Variants in TASP1 observed in about 807,000 individuals in gnomAD.
TASP1 encodes the protein taspase 1.
In TASP1, 16 loss-of-function variants were observed where a neutral mutation model predicts 56.6. The observed-to-expected ratio is 0.28, with a 90% CI of 0.19 to 0.43. TASP1 has a LOEUF of 0.43. Among genes scored for constraint, TASP1 ranks in the 20% least tolerant of loss-of-function variants. TASP1 has a pLI of 1.00. For missense variants in TASP1, 393 were observed against 511.6 expected (o/e 0.77, Z 2.24); for synonymous variants, 179 against 184.2 (o/e 0.97, Z 0.23).
the TASP1 span, among the ~76,000 whole-genome samples, chr20:13,346,993 T>A: frequency 6.6e-6 from 1 of 152,216 alleles, no homozygotes; most frequent in Non-Finnish European, 1.5e-5. Flanking sequence ...CGACAAGCAA[T>A]ATGTAGTCAT....
chr20:13,460,369 AC>A (rs760753790), intron 11 of TASP1, among the ~76,000 whole-genome samples: 40 of 151,826 alleles, frequency 2.6e-4, no homozygotes, highest in Non-Finnish European at 5.6e-4. Context: ...TCTTTACTTT[AC>A]CTTTGGAATG....
the TASP1 span, among the ~76,000 whole-genome samples, chr20:13,185,608 G>A: frequency 7.2e-5 from 11 of 152,004 alleles, no homozygotes; most frequent in Admixed American, 2.6e-4. Context: ...TTGCACACCT[G>A]TACTTGATTC....
chr20:13,231,098 G>T, the TASP1 span, among the ~76,000 whole-genome samples: 11 of 152,214 alleles, frequency 7.2e-5, no homozygotes, highest in East Asian at 9.7e-4. Flanking sequence ...TTGTCTCAGG[G>T]CCTGCTTCTA....
At chr20:13,318,680 A>G in the TASP1 span, among the ~76,000 whole-genome samples, 1 of 152,228 alleles carries the variant, frequency 6.6e-6, no homozygotes, top group African/African-American at 2.4e-5. Flanking sequence ...AGTGCTGGCT[A>G]TCCAGTGCTA....
chr20:13,472,999 G>A (rs891253048), intron 11 of TASP1, among the ~76,000 whole-genome samples: 2 of 151,914 alleles, frequency 1.3e-5, no homozygotes, highest in Non-Finnish European at 2.9e-5. Flanking sequence ...ATAAACCAAA[G>A]GATTATAGAA....
intron 11 of TASP1, among the ~76,000 whole-genome samples, chr20:13,464,777 G>C (rs140533659): frequency 1.3e-3 from 193 of 152,160 alleles, no homozygotes; most frequent in African/African-American, 4.4e-3. Context: ...TTGTTTAATG[G>C]ATACAGAAGT....
At chr20:13,409,367 A>AT (rs1209363926) in intron 13 of TASP1, among the ~76,000 whole-genome samples, 1 of 151,924 alleles carries the variant, frequency 6.6e-6, no homozygotes, top group African/African-American at 2.4e-5. Flanking sequence ...ATGACTACAG[A>AT]TTTGTCTATT....
chr20:13,182,082 G>T, the TASP1 span, among the ~76,000 whole-genome samples: 1 of 152,128 alleles, frequency 6.6e-6, no homozygotes, highest in Non-Finnish European at 1.5e-5. Flanking sequence ...TACCCCATGA[G>T]CCAGATCTCA....
chr20:13,241,325 TGTG>T, the TASP1 span, among the ~76,000 whole-genome samples: 1 of 152,096 alleles, frequency 6.6e-6, no homozygotes, highest in African/African-American at 2.4e-5. Context: ...TATATGAACA[TGTG>T]GTCAAAAAAG....
the TASP1 span, among the ~76,000 whole-genome samples, chr20:13,312,786 G>C: frequency 6.6e-6 from 1 of 152,152 alleles, no homozygotes; most frequent in Non-Finnish European, 1.5e-5. Context: ...TTACAAATGA[G>C]GACCCTGAAG....
At chr20:13,459,001 G>T (rs2043951760) in intron 11 of TASP1, among the ~76,000 whole-genome samples, 1 of 152,116 alleles carries the variant, frequency 6.6e-6, no homozygotes, top group Non-Finnish European at 1.5e-5. Context: ...AAACCAGATT[G>T]GGATTTCATG....
At chr20:13,591,527 A>G (rs2047531740) in intron 4 of TASP1, among the ~76,000 whole-genome samples, 1 of 152,176 alleles carries the variant, frequency 6.6e-6, no homozygotes. Flanking sequence ...TTCTTCAGAC[A>G]CATAAAAATT....
At chr20:13,194,874 C>T in the TASP1 span, among the ~76,000 whole-genome samples, 7 of 152,046 alleles carry the variant, frequency 4.6e-5, no homozygotes, top group Non-Finnish European at 1.0e-4. Context: ...TGGCTTCTAC[C>T]AACTAAGGCT....
chr20:13,209,718 A>G, the TASP1 span, among the ~76,000 whole-genome samples: 42,826 of 152,158 alleles, frequency 0.28, 6,418 homozygotes, highest in African/African-American at 0.35. Flanking sequence ...TGAAAGTTCT[A>G]TAACAGAAAA....
In TASP1 at chr20:13,534,141, C is replaced by A; in HGVS notation, c.676G>T (p.Glu226Ter). 6.2e-7 allele frequency: 1 copy of A among 1,613,238 alleles called. No individual in the cohort carries two copies. The highest frequency in any genetic ancestry group is 8.5e-7 in the Non-Finnish European group (1 of 1,179,538). The part of the protein sequence containing the change: ...LKKRRQSSEK[E>*]NDSGTLDTVG... Reference sequence around the variant, plus strand: ...GTGTCCAAAGTGCCTGAGTCATTTTCCTGCAGAGCAAAAGTGGCACAAGTA... The same window carrying A: ...GTGTCCAAAGTGCCTGAGTCATTTTACTGCAGAGCAAAAGTGGCACAAGTA... The change falls in exon 9 of 14, where the codon GAA becomes TAA. Residue 226 changes from glutamate to a stop codon, truncating the protein, a stop_gained and splice_region_variant. Transcript: ENST00000337743. LOFTEE classifies it high-confidence loss of function.
At chr20:13,289,675 G>A in the TASP1 span, among the ~76,000 whole-genome samples, 1 of 96,412 alleles carries the variant, frequency 1.0e-5, no homozygotes, top group Admixed American at 9.6e-5. Context: ...GAGGAGGAGG[G>A]GGAGGAGGAG....
the TASP1 span, among the ~76,000 whole-genome samples, chr20:13,124,616 G>A: frequency 6.6e-6 from 1 of 152,180 alleles, no homozygotes; most frequent in Non-Finnish European, 1.5e-5. Flanking sequence ...AAGACAGCAG[G>A]AAGAACAGAA....
At chr20:13,408,115 T>A (rs977603251) in intron 13 of TASP1, among the ~76,000 whole-genome samples, 3 of 152,192 alleles carry the variant, frequency 2.0e-5, no homozygotes, top group Non-Finnish European at 4.4e-5. Flanking sequence ...TTTGGAATCA[T>A]ATCTAAGAAA....
At chr20:13,485,046 G>A (rs1806299989) in intron 10 of TASP1, among the ~76,000 whole-genome samples, 1 of 152,122 alleles carries the variant, frequency 6.6e-6, no homozygotes, top group Admixed American at 6.5e-5. Flanking sequence ...GGGTTGATGG[G>A]TGGAGCAAAC....
Sources: gnomAD v4.1 joint callset for allele counts (sites outside exome capture counted in the v4.1 genomes callset) on GRCh38, gnomAD v4.1.1 for gene constraint, MANE v1.5 for transcripts, NCBI Gene and HGNC (gene_info 2026-07-23, HGNC 2026-07-21) for gene names.